DNA2: variants seen among roughly 807,000 people sequenced by gnomAD.
DNA2 encodes DNA replication ATP-dependent helicase/nuclease DNA2.
Under a neutral mutation model 119.1 loss-of-function variants are expected in DNA2, and 101 were observed. The ratio of observed to expected loss-of-function variants is 0.85; its 90% CI spans 0.72 to 1.00. The LOEUF (loss-of-function observed/expected upper bound fraction) is 1.00, where lower values mean the gene tolerates loss of function less well. Among genes scored for constraint, DNA2 ranks in the 50% least tolerant of loss-of-function variants. The pLI is 0.00. For missense variants in DNA2, 1,121 were observed against 1,255.5 expected (o/e 0.89, Z 1.62); for synonymous variants, 366 against 424.4 (o/e 0.86, Z 1.69).
Position 68,437,140 on chromosome 10 carries a change from G to A in DNA2, c.1517C>T (p.Ala506Val), listed in dbSNP as rs775467455. Reference sequence around the variant, plus strand: ...TGCCATTAGATTTGTGACAGGTATGGCACCATGTTTACATTGGAAATTATG... The same window carrying A: ...TGCCATTAGATTTGTGACAGGTATGACACCATGTTTACATTGGAAATTATG... ...YLHNFQCKHGAIPVTNLMAGD... is the reference protein window; with the variant it reads ...YLHNFQCKHGVIPVTNLMAGD... The change falls in exon 10 of 21, where the codon GCC (alanine) becomes GTC (valine). Residue 506 changes from alanine to valine, a missense_variant. Ala to Val is a moderately conservative substitution (Grantham distance 64, BLOSUM62 0). Transcript: ENST00000358410. The A allele has an allele frequency of 6.2e-7, 1 of 1,613,800 alleles. No homozygotes were observed. Among genetic ancestry groups the A allele is most frequent in the Non-Finnish European group, 8.5e-7 (1 of 1,179,856 alleles).
chr10:68,453,296 T>C (rs1289650354), intron 5 of DNA2, among the ~76,000 whole-genome samples: 1 of 152,230 alleles, frequency 6.6e-6, no homozygotes, highest in Non-Finnish European at 1.5e-5. Flanking sequence ...TTTCTAAATG[T>C]GTTAATTTCC....
At chr10:68,446,439 A>T (rs1402307640) in intron 6 of DNA2, 26 bp from the exon 7 acceptor site, 1 of 1,361,246 alleles carries the variant, frequency 7.3e-7, no homozygotes, top group Admixed American at 2.2e-5. Flanking sequence ...CATTTGCTCA[A>T]ACAAAACTAT....
rs752264990 is a variant in DNA2 at position 68,471,897 on chromosome 10, A to G, written c.-33T>C. 2 of 1,613,936 alleles carry G rather than the reference A, an allele frequency of 1.2e-6. No individual in the cohort carries two copies. The highest frequency in any genetic ancestry group is 1.7e-6 in the Non-Finnish European group (2 of 1,179,802). Reference sequence around the variant, plus strand: ...GCGGGGATCGCAAACTGTAGACAGAAAAGACAGCGGAACCGGGGGTAACAC... The same window carrying G: ...GCGGGGATCGCAAACTGTAGACAGAGAAGACAGCGGAACCGGGGGTAACAC... On this transcript the variant is annotated 5_prime_UTR_variant, in exon 1 of 21. Transcript: ENST00000358410.
At chr10:68,416,531 G>A in intron 20 of DNA2, 178 bp downstream of exon 20, 1 of 574,422 alleles carries the variant, frequency 1.7e-6, no homozygotes, top group South Asian at 2.3e-5. Context: ...TTATAGGCTG[G>A]GGGCCGTGGC....
At chr10:68,465,584 T>C in intron 4 of DNA2, 83 bp downstream of exon 4, 2 of 1,000,304 alleles carry the variant, frequency 2.0e-6, no homozygotes, top group Non-Finnish European at 2.8e-6. Context: ...TTATATTGGA[T>C]AGTCTACACA....
chr10:68,457,661 A>G (rs1173655322), intron 5 of DNA2, among the ~76,000 whole-genome samples: 1 of 151,698 alleles, frequency 6.6e-6, no homozygotes, highest in Non-Finnish European at 1.5e-5. Flanking sequence ...TATATTAGAC[A>G]CCCAATAAAT....
chr10:68,457,462 C>A (rs1450319050), intron 5 of DNA2, among the ~76,000 whole-genome samples: 1 of 152,246 alleles, frequency 6.6e-6, no homozygotes, highest in East Asian at 1.9e-4. Context: ...TATGGAATAT[C>A]CCTGCCACCA....
At chr10:68,464,262 C>T (rs1033587484) in intron 4 of DNA2, among the ~76,000 whole-genome samples, 4 of 152,144 alleles carry the variant, frequency 2.6e-5, no homozygotes, top group Admixed American at 2.6e-4. Flanking sequence ...CCTGTAATCC[C>T]AGCACTTTGG....
chr10:68,469,953 T>C, intron 2 of DNA2, 28 bp downstream of exon 2: 1 of 1,577,996 alleles, frequency 6.3e-7, no homozygotes, highest in Non-Finnish European at 8.6e-7. Flanking sequence ...AAGATTCAAA[T>C]CGGTGCTCAA....
intron 14 of DNA2, among the ~76,000 whole-genome samples, chr10:68,427,061 A>C (rs1475640328): frequency 6.6e-6 from 1 of 151,824 alleles, no homozygotes; most frequent in East Asian, 1.9e-4. Context: ...ACAGATGACA[A>C]ATAAGCACAT....
intron 5 of DNA2, 61 bp from the exon 6 acceptor site, chr10:68,450,308 T>G: frequency 8.1e-7 from 1 of 1,229,572 alleles, no homozygotes; most frequent in Admixed American, 2.1e-5. Context: ...TCACATCTGC[T>G]GGCTCTGACT....
chr10:68,415,167 T>C (rs1355972131), intron 20 of DNA2, 60 bp from the exon 21 acceptor site: 1 of 1,063,814 alleles, frequency 9.4e-7, no homozygotes, highest in Non-Finnish European at 1.4e-6. Context: ...ATTTATGACA[T>C]TATTATTTAA....
At chr10:68,468,338 C>A in intron 2 of DNA2, 32 bp from the exon 3 acceptor site, 1 of 1,440,910 alleles carries the variant, frequency 6.9e-7, no homozygotes, top group Non-Finnish European at 9.2e-7. Flanking sequence ...AGTATAAATA[C>A]ATAGCTTAGG....
chr10:68,441,878 A>T (rs563145696), intron 9 of DNA2, among the ~76,000 whole-genome samples: 1 of 152,316 alleles, frequency 6.6e-6, no homozygotes, highest in East Asian at 1.9e-4. Flanking sequence ...CAAGTTTATA[A>T]TGTTATCACC....
At chr10:68,424,245 T>G (rs1444211217) in intron 14 of DNA2, among the ~76,000 whole-genome samples, 1 of 152,190 alleles carries the variant, frequency 6.6e-6, no homozygotes, top group African/African-American at 2.4e-5. Flanking sequence ...GGCTCACGCC[T>G]GTAATCCCAA....
rs778315961 is a variant in DNA2, at chr10:68,468,227, C to T, written c.337G>A (p.Asp113Asn). The change falls in exon 3 of 21, where the codon GAT (aspartate) becomes AAT (asparagine). Residue 113 changes from aspartate (D) to asparagine (N), a missense_variant. Transcript: ENST00000358410. ...CTSDTWIIDK[D>N]FGYLILYPDM... ...GGATACAGAATCAAATATCCAAAAT[C>T]TTTATCTATTATCCAAGTGTCAGAT... 3 of 1,612,528 alleles carry T rather than the reference C, an allele frequency of 1.9e-6. No individual in the cohort carries two copies. Among genetic ancestry groups the T allele is most frequent in the South Asian group, 1.1e-5 (1 of 90,566 alleles).
chr10:68,434,305 T>C (rs367834458), intron 10 of DNA2, among the ~76,000 whole-genome samples: 6 of 149,668 alleles, frequency 4.0e-5, no homozygotes, highest in African/African-American at 1.5e-4. Context: ...CCTCCTAAAA[T>C]TGAATTAAAT....
upstream of DNA2, among the ~76,000 whole-genome samples, chr10:68,472,430 A>C (rs927898996): frequency 3.3e-5 from 5 of 152,094 alleles, no homozygotes. Context: ...TGATCATGCC[A>C]CGGCTAAATC....
At chr10:68,459,558 CAG>C (rs923745190) in intron 4 of DNA2, among the ~76,000 whole-genome samples, 1 of 152,034 alleles carries the variant, frequency 6.6e-6, no homozygotes, top group African/African-American at 2.4e-5. Context: ...GTGAAAATCA[CAG>C]AGATAGAAAG....
Sources: gnomAD v4.1 joint callset for allele counts (sites outside exome capture counted in the v4.1 genomes callset) on GRCh38, gnomAD v4.1.1 for gene constraint, MANE v1.5 for transcripts, NCBI Gene and HGNC (gene_info 2026-07-23, HGNC 2026-07-21) for gene names.